The following SCIN variants were observed in gnomAD, a reference collection of about 807,000 sequenced individuals.
SCIN encodes scinderin.
Under a neutral mutation model 91.8 loss-of-function variants are expected in SCIN, and 91 were observed. The observed-to-expected ratio is 0.99, with a 90% CI of 0.84 to 1.18. The LOEUF (loss-of-function observed/expected upper bound fraction) is 1.18, where lower values mean the gene tolerates loss of function less well. Ranked by LOEUF, SCIN falls within the 50% of genes most tolerant of loss-of-function variation. The probability of loss-of-function intolerance (pLI) is 0.00; values close to 1 mark genes in which losing one functional copy is unlikely to be tolerated. For synonymous variants in SCIN, 367 were observed against 312.6 expected, an observed-to-expected ratio of 1.17 and a Z score of -1.84; for missense variants, 1,087 against 863.9, an observed-to-expected ratio of 1.26 and a Z score of -3.24.
chr7:12,578,560 A>G (rs1442604768), intron 2 of SCIN, among the ~76,000 whole-genome samples: 1 of 152,108 alleles, frequency 6.6e-6, no homozygotes, highest in Non-Finnish European at 1.5e-5. Flanking sequence ...TGGGTCTTAA[A>G]AGTTTTCATT....
rs1177169931 is a variant in SCIN at position 12,657,741 on chromosome 7, C to T, written c.*5026C>T. 6.6e-6 allele frequency: 1 copy of T among 150,784 alleles called. No individual in the cohort carries two copies. Among genetic ancestry groups the T allele is most frequent in the African/African-American group, 2.4e-5 (1 of 41,180 alleles). 9.3% of individuals were successfully genotyped at this position (150,784 alleles called of 1,614,324 possible). A position where few individuals can be genotyped will look rare whatever the true frequency, so the allele number is the denominator to read the frequency against. On this transcript the variant is annotated 3_prime_UTR_variant, in exon 16 of 16. Transcript: ENST00000297029. Reference sequence around the variant, plus strand: ...TTTTTCATATTGATGTGAAAAGCAGCCAAGTATTATTTGACAACATCAGTC... The same window carrying T: ...TTTTTCATATTGATGTGAAAAGCAGTCAAGTATTATTTGACAACATCAGTC...
chr7:12,646,329 C>G (rs1288098138), intron 13 of SCIN, among the ~76,000 whole-genome samples: 1 of 152,172 alleles, frequency 6.6e-6, no homozygotes, highest in African/African-American at 2.4e-5. Flanking sequence ...TGGTGAGGGA[C>G]CACTGTCTAG....
chr7:12,622,935 G>A, intron 5 of SCIN, 42 bp downstream of exon 5: 1 of 1,448,298 alleles, frequency 6.9e-7, no homozygotes. Context: ...AACAGTACTG[G>A]ATGTAGCTAG....
chr7:12,645,853 C>T (rs1010739642), intron 13 of SCIN, among the ~76,000 whole-genome samples: 2 of 152,084 alleles, frequency 1.3e-5, no homozygotes, highest in African/African-American at 4.8e-5. Flanking sequence ...CTTAAAAGTA[C>T]TAGCTACTTT....
At chr7:12,630,253 A>C (rs1186731561) in intron 9 of SCIN, among the ~76,000 whole-genome samples, 1 of 152,080 alleles carries the variant, frequency 6.6e-6, no homozygotes, top group Non-Finnish European at 1.5e-5. Flanking sequence ...GGGAACTCGG[A>C]GGTATCAATA....
At chr7:12,600,515 C>T (rs1011531130) in intron 3 of SCIN, among the ~76,000 whole-genome samples, 1 of 152,074 alleles carries the variant, frequency 6.6e-6, no homozygotes, top group African/African-American at 2.4e-5. Context: ...AAATTTAAAA[C>T]AAAAACAAAG....
chr7:12,641,095 C>G (rs1196120761), intron 11 of SCIN, among the ~76,000 whole-genome samples: 1 of 152,152 alleles, frequency 6.6e-6, no homozygotes, highest in Non-Finnish European at 1.5e-5. Flanking sequence ...TTAGGACAAT[C>G]CTGTCACCCC....
intron 14 of SCIN, among the ~76,000 whole-genome samples, chr7:12,650,480 A>G (rs1380508987): frequency 1.3e-5 from 2 of 152,196 alleles, no homozygotes; most frequent in Non-Finnish European, 2.9e-5. Context: ...TTCCCATGCC[A>G]CATTTCATTT....
chr7:12,616,870 A>C lies in SCIN; in HGVS notation c.667-5931A>C, dbSNP rs148840600. Among the ~76,000 whole-genome samples, 38 of 152,250 alleles carry C rather than the reference A, an allele frequency of 2.5e-4. No homozygotes were observed. In the East Asian group the frequency reaches 6.2e-3, roughly 25 times the overall value. On this transcript the variant is annotated intron_variant, in intron 4 of 15. Transcript: ENST00000297029. Reference sequence around the variant, plus strand: ...TTACTATATCATATTCCTTTTTCTCAGCATTGTCACCTACTCTTCTGCTGA... The same window carrying C: ...TTACTATATCATATTCCTTTTTCTCCGCATTGTCACCTACTCTTCTGCTGA...
chr7:12,647,152 T>A (rs560451947), intron 13 of SCIN, among the ~76,000 whole-genome samples: 8 of 152,346 alleles, frequency 5.3e-5, no homozygotes, highest in African/African-American at 1.9e-4. Context: ...AATAAGTACC[T>A]AGGCTTTGTT....
At chr7:12,629,920 C>G (rs1393773392) in intron 9 of SCIN, among the ~76,000 whole-genome samples, 1 of 151,788 alleles carries the variant, frequency 6.6e-6, no homozygotes, top group Non-Finnish European at 1.5e-5. Context: ...TAAGTGAAAT[C>G]AGGTAAAAAT....
intron 3 of SCIN, among the ~76,000 whole-genome samples, chr7:12,594,746 C>A (rs1018381039): frequency 1.2e-4 from 19 of 152,192 alleles, no homozygotes; most frequent in African/African-American, 3.9e-4. Flanking sequence ...GAGGGCGGCG[C>A]CTGTCTTGCA....
chr7:12,640,266 C>T, intron 10 of SCIN, 81 bp from the exon 11 acceptor site: 1 of 1,235,576 alleles, frequency 8.1e-7, no homozygotes, highest in Non-Finnish European at 1.1e-6. Context: ...AAAAAGACAA[C>T]ATAAGAACAC....
intron 14 of SCIN, 108 bp downstream of exon 14, chr7:12,649,652 G>T (rs758461899): frequency 1.4e-5 from 8 of 589,716 alleles, no homozygotes; most frequent in Non-Finnish European, 2.0e-5. Context: ...TAGAGATTTA[G>T]GCTGTATTTA....
intron 9 of SCIN, among the ~76,000 whole-genome samples, chr7:12,635,611 C>CAAAAAAAAAAAA (rs59324421): frequency 6.8e-4 from 4 of 5,856 alleles, no homozygotes; most frequent in Non-Finnish European, 1.3e-3. Flanking sequence ...GACTCCGTCT[C>CAAAAAAAAAAAA]AAAAAAAAAA....
chr7:12,621,637 GTTTTTTTT>G (rs60697843), intron 4 of SCIN, among the ~76,000 whole-genome samples: 4 of 106,396 alleles, frequency 3.8e-5, no homozygotes, highest in African/African-American at 7.2e-5. Context: ...AAGTGTTTTA[GTTTTTTTT>G]TTTTTTTTTT....
chr7:12,632,725 T>A (rs537959487), intron 9 of SCIN, among the ~76,000 whole-genome samples: 1 of 152,198 alleles, frequency 6.6e-6, no homozygotes, highest in East Asian at 1.9e-4. Context: ...AGATTAAAAA[T>A]CTTAAGAAGA....
intron 13 of SCIN, among the ~76,000 whole-genome samples, chr7:12,648,752 G>C (rs115991693): frequency 6.6e-6 from 1 of 152,174 alleles, no homozygotes; most frequent in Non-Finnish European, 1.5e-5. Flanking sequence ...TGAGCAAATT[G>C]ACTATATATG....
intron 3 of SCIN, among the ~76,000 whole-genome samples, chr7:12,594,662 G>C (rs1782800583): frequency 6.6e-6 from 1 of 152,102 alleles, no homozygotes; most frequent in South Asian, 2.1e-4. Flanking sequence ...GGGAGGGGTA[G>C]ACTGAGAGGC....
Sources: gnomAD v4.1 joint callset for allele counts (sites outside exome capture counted in the v4.1 genomes callset) on GRCh38, gnomAD v4.1.1 for gene constraint, MANE v1.5 for transcripts, NCBI Gene and HGNC (gene_info 2026-07-23, HGNC 2026-07-21) for gene names.